SLTM: variants seen among roughly 807,000 people sequenced by gnomAD.
SLTM encodes the protein SAFB-like transcription modulator.
A neutral mutation model predicts 134.6 loss-of-function variants in SLTM; 43 were observed. The ratio of observed to expected loss-of-function variants is 0.32; its 90% CI spans 0.25 to 0.41. The LOEUF is 0.41. Among genes scored for constraint, SLTM ranks in the 10% least tolerant of loss-of-function variants. The pLI is 1.00. For synonymous variants in SLTM, 424 were observed against 432.3 expected (o/e 0.98, Z 0.24); for missense variants, 1,055 against 1,288.8 (o/e 0.82, Z 2.78).
intron 17 of SLTM, among the ~76,000 whole-genome samples, chr15:58,887,787 A>G (rs543049674): frequency 6.6e-6 from 1 of 152,336 alleles, no homozygotes; most frequent in South Asian, 2.1e-4. Flanking sequence ...GTCACTACCA[A>G]GCTGAAGAAT....
rs1423264039 is a variant in SLTM, at chr15:58,887,315, A to AG, written c.2600dup (p.Arg868Ter). ...TGGGCCCTGCCTCTCGAGGATGTCT[A>AG]GGATGAGTGATATCAGGCCTGTCAT... On this transcript the variant is annotated frameshift_variant, in exon 18 of 21. Transcript: ENST00000380516. LOFTEE classifies it high-confidence loss of function. The AG allele has an allele frequency of 6.2e-7, 1 of 1,614,114 alleles. No individual in the cohort carries two copies.
At chr15:58,928,353 C>T (rs1432453038) in intron 2 of SLTM, among the ~76,000 whole-genome samples, 1 of 152,108 alleles carries the variant, frequency 6.6e-6, no homozygotes, top group Non-Finnish European at 1.5e-5. Context: ...TTAATATAAC[C>T]GTAAACTTCA....
chr15:58,912,776 A>C, intron 4 of SLTM, 166 bp from the exon 5 acceptor site: 2 of 498,250 alleles, frequency 4.0e-6, no homozygotes, highest in South Asian at 5.1e-5. Flanking sequence ...TTTTTATGCC[A>C]AAAAAAATTA....
chr15:58,898,747 T>C, intron 8 of SLTM, 56 bp downstream of exon 8: 1 of 1,390,660 alleles, frequency 7.2e-7, no homozygotes, highest in East Asian at 2.3e-5. Flanking sequence ...ACTACTACTT[T>C]TTAATGAAAA....
chr15:58,925,899 G>C (rs1223970871), intron 2 of SLTM, among the ~76,000 whole-genome samples: 1 of 152,140 alleles, frequency 6.6e-6, no homozygotes, highest in Non-Finnish European at 1.5e-5. Flanking sequence ...CAGCACCGTT[G>C]TGAGAATCAA....
At chr15:58,886,391 A>G (rs775546671) in intron 19 of SLTM, among the ~76,000 whole-genome samples, 9 of 151,350 alleles carry the variant, frequency 5.9e-5, no homozygotes, top group Non-Finnish European at 1.2e-4. Context: ...TTCAGCCTCC[A>G]GAGTAGCTGG....
intron 2 of SLTM, among the ~76,000 whole-genome samples, chr15:58,930,800 T>C (rs1355462741): frequency 6.7e-6 from 1 of 150,028 alleles, no homozygotes; most frequent in Non-Finnish European, 1.5e-5. Context: ...TCATAAAATG[T>C]ATTGAAAAAA....
intron 19 of SLTM, among the ~76,000 whole-genome samples, chr15:58,886,218 AGTGTGTGTGTGTGTGTGTGTGTGTGT>A (rs60261686): frequency 6.4e-5 from 8 of 124,460 alleles, no homozygotes; most frequent in Admixed American, 8.7e-5. Context: ...GAAAAAGAAG[AGTGTGTGTGTGTGTGTGTGTGTGTGT>A]GTGTGTGTGT....
In SLTM at chr15:58,879,942, T is replaced by C; in HGVS notation, c.*57A>G. Reference sequence around the variant, plus strand: ...GAGGTCCTCTTCATAAGTAGTCAAGTAAAGTTTACAGGAGATTTCAATAAA... The same window carrying C: ...GAGGTCCTCTTCATAAGTAGTCAAGCAAAGTTTACAGGAGATTTCAATAAA... On this transcript the variant is annotated 3_prime_UTR_variant, in exon 21 of 21. Transcript: ENST00000380516. The C allele has an allele frequency of 1.3e-6, 2 of 1,583,062 alleles. No homozygotes were observed. Among genetic ancestry groups the C allele is most frequent in the Non-Finnish European group, 1.7e-6 (2 of 1,161,920 alleles).
At chr15:58,922,130 C>T (rs935001224) in intron 2 of SLTM, among the ~76,000 whole-genome samples, 1 of 151,766 alleles carries the variant, frequency 6.6e-6, no homozygotes, top group Non-Finnish European at 1.5e-5. Context: ...AATCCCAGCA[C>T]TTTGGGAGGC....
intron 19 of SLTM, among the ~76,000 whole-genome samples, chr15:58,885,574 G>A (rs1266026659): frequency 2.0e-5 from 3 of 152,020 alleles, no homozygotes; most frequent in African/African-American, 4.8e-5. Flanking sequence ...GTGGATGGTC[G>A]GAAGTTTGAA....
At chr15:58,910,898 C>G (rs1377937599) in intron 5 of SLTM, among the ~76,000 whole-genome samples, 1 of 152,028 alleles carries the variant, frequency 6.6e-6, no homozygotes. Flanking sequence ...GTGTCCAACA[C>G]TAGGCCTGGC....
At chr15:58,916,722 G>A (rs1426709953) in intron 3 of SLTM, 3 of 410,182 alleles carry the variant, frequency 7.3e-6, no homozygotes, top group Non-Finnish European at 1.3e-5. Context: ...TTTAGCTTTT[G>A]TATCTCATTT....
chr15:58,898,129 T>C (rs2035225534), intron 8 of SLTM: 1 of 152,162 alleles, frequency 6.6e-6, no homozygotes, highest in Admixed American at 6.5e-5. Context: ...TTTCTAACGA[T>C]TTAAAATAAA....
chr15:58,927,800 G>A (rs1475234260), intron 2 of SLTM, among the ~76,000 whole-genome samples: 2 of 152,120 alleles, frequency 1.3e-5, no homozygotes, highest in South Asian at 2.1e-4. Context: ...CCACAGTTCT[G>A]ATTAAAGTGT....
Position 58,899,840 on chromosome 15 carries a change from C to G in SLTM, c.687G>C (p.Met229Ile). Reference protein sequence around the residue: ...AEADHTAHEEMEAHTTVKEAE... With the variant: ...AEADHTAHEEIEAHTTVKEAE... Reference sequence around the variant, plus strand: ...CTTCTTTCACAGTCGTATGAGCTTCCATCTCTTCATGAGCTGTGTGATCAG... The same window carrying G: ...CTTCTTTCACAGTCGTATGAGCTTCGATCTCTTCATGAGCTGTGTGATCAG... Residue 229 changes from methionine (M) to isoleucine (I), a missense_variant, in exon 7 of 21, where the codon ATG (methionine) becomes ATC (isoleucine). Around this residue, in one of 3 missense-constraint regions of SLTM, gnomAD observed 268 missense variants for 284.3 expected, o/e 0.94. Coordinates refer to ENST00000380516, the MANE Select transcript of SLTM (RefSeq NM_024755.4). The surrounding 1 kb of genome is among the most constrained non-coding windows in gnomAD (Gnocchi z 5.0). The G allele has an allele frequency of 6.2e-7, 1 of 1,614,112 alleles. No individual in the cohort carries two copies. The highest frequency in any genetic ancestry group is 2.2e-5 in the East Asian group (1 of 44,880).
Position 58,886,079 on chromosome 15 carries a change from A to G in SLTM, c.2835+896T>C, listed in dbSNP as rs921608877. Among the ~76,000 whole-genome samples, 4 of 152,210 alleles carry G rather than the reference A, an allele frequency of 2.6e-5. No homozygotes were observed. In the East Asian group the frequency reaches 5.8e-4, roughly 22 times the overall value. The stretch of plus-strand genomic sequence containing the variant: ...TAACTTACAAAATATTCAAGTCAAT[A>G]AAGTGTCACAAGAGTAAAAATTTAA... On this transcript the variant is annotated intron_variant, in intron 19 of 20. Coordinates refer to ENST00000380516, the MANE Select transcript of SLTM (RefSeq NM_024755.4).
chr15:58,907,922 T>C (rs752058571), intron 5 of SLTM, among the ~76,000 whole-genome samples: 72 of 151,942 alleles, frequency 4.7e-4, no homozygotes, highest in Non-Finnish European at 9.1e-4. Flanking sequence ...TCCTAGAGGC[T>C]AATGCCTAAA....
intron 5 of SLTM, among the ~76,000 whole-genome samples, chr15:58,908,766 A>G (rs1453758313): frequency 6.6e-6 from 1 of 152,216 alleles, no homozygotes; most frequent in Non-Finnish European, 1.5e-5. Flanking sequence ...CACAGAACGG[A>G]AAGAACTTAA....
Sources: allele counts gnomAD v4.1 joint callset (sites outside exome capture counted in the v4.1 genomes callset), GRCh38; gene constraint gnomAD v4.1.1; regional missense constraint gnomAD v4.1.1; non-coding constraint Gnocchi (gnomAD v3.1); transcripts MANE v1.5; gene names NCBI Gene and HGNC (gene_info 2026-07-23, HGNC 2026-07-21).